Variants in PLEKHG3 observed in about 807,000 individuals in gnomAD.
The protein encoded by PLEKHG3 is pleckstrin homology and RhoGEF domain containing G3.
In PLEKHG3, 62 loss-of-function variants were observed where a neutral mutation model predicts 94.9. The ratio of observed to expected loss-of-function variants is 0.65; its 90% CI spans 0.53 to 0.81. PLEKHG3 has a LOEUF of 0.81. PLEKHG3 is among the 30% of genes least tolerant of loss of function. The probability of loss-of-function intolerance (pLI) is 0.00; values close to 1 mark genes in which losing one functional copy is unlikely to be tolerated. For synonymous variants in PLEKHG3, 614 were observed against 654.0 expected (o/e 0.94, Z 0.93); for missense variants, 1,461 against 1,619.3 (o/e 0.90, Z 1.68).
intron 1 of PLEKHG3, among the ~76,000 whole-genome samples, chr14:64,714,021 CTTTTA>C (rs139776572): frequency 0.049 from 7,406 of 152,194 alleles, 222 homozygotes; most frequent in Non-Finnish European, 0.075. Context: ...ATTTTTATCT[CTTTTA>C]TATTTCCAAT....
Position 64,715,794 on chromosome 14 carries a change from G to A in PLEKHG3, c.-40+11090G>A, listed in dbSNP as rs527634655. Reference sequence around the variant, plus strand: ...GGGCTGTGGCCTGGGTCCCTACCCAGCGGGGACCTGCAGAATTGTGTCGGG... The same window carrying A: ...GGGCTGTGGCCTGGGTCCCTACCCAACGGGGACCTGCAGAATTGTGTCGGG... On this transcript the variant is annotated intron_variant, in intron 1 of 16. Transcript: ENST00000247226. The surrounding 1 kb of genome is among the most constrained non-coding windows in gnomAD (Gnocchi z 4.4). The A allele has an allele frequency of 7.6e-5, 26 of 340,278 alleles. No individual in the cohort carries two copies. Among genetic ancestry groups the A allele is most frequent in the African/African-American group, 5.7e-4 (26 of 45,564 alleles). The allele number at this position is 340,278 out of a possible 1,614,324, so 21.1% of individuals were successfully genotyped here.
In PLEKHG3 at chr14:64,741,866, G is replaced by T. The variant is rs766979323; in HGVS notation, c.2349G>T (p.Ser783=). 1.9e-6 allele frequency: 3 copies of T among 1,613,070 alleles called. No individual in the cohort carries two copies. Among genetic ancestry groups the T allele is most frequent in the East Asian group, 2.2e-5 (1 of 44,868 alleles). Reference sequence around the variant, plus strand: ...GACAGGTGGGCTCCCGGCCGACTTCGTGGGCCCTGTTTGAGCTCCCAGGAC... The same window carrying T: ...GACAGGTGGGCTCCCGGCCGACTTCTTGGGCCCTGTTTGAGCTCCCAGGAC... ...SKRQVGSRPT[S]WALFELPGPS... Residue 783 remains serine, a synonymous_variant, in exon 16 of 17, where the codon TCG becomes TCT. Coordinates refer to ENST00000247226, the MANE Select transcript of PLEKHG3 (RefSeq NM_001308147.2).
chr14:64,737,747 A>C, intron 14 of PLEKHG3: 1 of 431,586 alleles, frequency 2.3e-6, no homozygotes, highest in South Asian at 2.5e-5. Flanking sequence ...TGGCAACCTG[A>C]GTTGGGCATC....
At position 64,732,941 on chromosome 14, in the gene PLEKHG3, C is replaced by G; in HGVS notation, c.1345+40C>G. ...GTGGAGGCAGGAGGCCTCTCCCTCA[C>G]ACCCTTGCCCAGACTGGGGACCGTC... On this transcript the variant is annotated intron_variant, in intron 12 of 16. Coordinates refer to ENST00000247226, the MANE Select transcript of PLEKHG3 (RefSeq NM_001308147.2). The surrounding 1 kb of genome is among the most constrained non-coding windows in gnomAD (Gnocchi z 4.9). 1 of 1,275,054 alleles carries G rather than the reference C, an allele frequency of 7.8e-7. No homozygotes were observed. The highest frequency in any genetic ancestry group is 1.1e-6 in the Non-Finnish European group (1 of 889,420). The allele number at this position is 1,275,054 out of a possible 1,614,324, so 79.0% of individuals were successfully genotyped here.
Position 64,743,160 on chromosome 14 carries a change from C to T in PLEKHG3, c.3117C>T (p.Leu1039=), listed in dbSNP as rs1333158337. The T allele has an allele frequency of 1.2e-6, 2 of 1,611,154 alleles. No individual in the cohort carries two copies. Among genetic ancestry groups the T allele is most frequent in the Non-Finnish European group, 1.7e-6 (2 of 1,179,854 alleles). The part of the protein sequence containing the change: ...PGGRPSARSP[L]SPTETFSWPD... ...GCCGGCCCTCCGCCCGGAGCCCCCTCAGCCCCACAGAGACCTTCAGCTGGC... is the reference window on the plus strand; with the variant it reads ...GCCGGCCCTCCGCCCGGAGCCCCCTTAGCCCCACAGAGACCTTCAGCTGGC... Residue 1039 remains leucine, a synonymous_variant, in exon 17 of 17, where the codon CTC becomes CTT. Transcript: ENST00000247226. This position sits in a 1 kb window ranked among gnomAD's most constrained non-coding sequence, Gnocchi z 7.2.
chr14:64,731,587 C>A lies in PLEKHG3; in HGVS notation c.1032+44C>A. On this transcript the variant is annotated intron_variant, in intron 8 of 16. Coordinates refer to ENST00000247226, the MANE Select transcript of PLEKHG3 (RefSeq NM_001308147.2). The surrounding 1 kb of genome is among the most constrained non-coding windows in gnomAD (Gnocchi z 6.1). The stretch of plus-strand genomic sequence containing the variant: ...ATCTCCTCTGCCATCTTCTCTCCTT[C>A]CCAAAGGATCTGGGCTCCCCTTCTT... 1 of 1,589,812 alleles carries A rather than the reference C, an allele frequency of 6.3e-7. No individual in the cohort carries two copies. The highest frequency in any genetic ancestry group is 8.6e-7 in the Non-Finnish European group (1 of 1,158,304).
rs950957556 is a variant in PLEKHG3, at chr14:64,732,670, A to G, written c.1247-133A>G. Reference sequence around the variant, plus strand: ...AGTGCCTGAAGCTCCCAGCTGGAAGATGGAGGGAGCTCTGGAGGCTCCTGG... The same window carrying G: ...AGTGCCTGAAGCTCCCAGCTGGAAGGTGGAGGGAGCTCTGGAGGCTCCTGG... On this transcript the variant is annotated intron_variant, in intron 11 of 16. Transcript: ENST00000247226. The surrounding 1 kb of genome is among the most constrained non-coding windows in gnomAD (Gnocchi z 4.9). 4.0e-6 allele frequency: 3 copies of G among 756,132 alleles called. No homozygotes were observed. The highest frequency in any genetic ancestry group is 1.8e-5 in the African/African-American group (1 of 56,950). 46.8% of individuals were successfully genotyped at this position (756,132 alleles called of 1,614,324 possible). A position where few individuals can be genotyped will look rare whatever the true frequency, so the allele number is the denominator to read the frequency against.
At position 64,748,215 on chromosome 14, in the gene PLEKHG3, TTACTGTC is replaced by T. The variant is rs2139410375; in HGVS notation, c.*4514_*4520del. Reference sequence around the variant, plus strand: ...ACCCCGAGAAAACAGATGATCAACTTTACTGTCTGCCCAGCCATTACCCTCCAAAGTC... The same window carrying T: ...ACCCCGAGAAAACAGATGATCAACTTTGCCCAGCCATTACCCTCCAAAGTC... On this transcript the variant is annotated 3_prime_UTR_variant, in exon 17 of 17. Transcript: ENST00000247226. The T allele has an allele frequency of 2.7e-5, 4 of 149,786 alleles. No individual in the cohort carries two copies. The South Asian group carries it at 8.3e-4, about 31-fold the overall frequency. 9.3% of individuals were successfully genotyped at this position (149,786 alleles called of 1,614,324 possible). A position where few individuals can be genotyped will look rare whatever the true frequency, so the allele number is the denominator to read the frequency against.
chr14:64,705,705 G>C (rs2080960821), intron 1 of PLEKHG3, among the ~76,000 whole-genome samples: 1 of 152,238 alleles, frequency 6.6e-6, no homozygotes. Flanking sequence ...TCCGGAGCGG[G>C]GGAGGGCCTC....
At chr14:64,712,097 T>C (rs2081073264) in intron 1 of PLEKHG3, among the ~76,000 whole-genome samples, 1 of 152,250 alleles carries the variant, frequency 6.6e-6, no homozygotes, top group African/African-American at 2.4e-5. Flanking sequence ...CTTTCTCTAT[T>C]GAATTGTCTT....
rs1159681810 is a variant in PLEKHG3, at chr14:64,716,474, C to CA, written c.-39-11118dup. ...CACACACACACACACACAACACACA[C>CA]ACACACAACACACACACACACAACA... On this transcript the variant is annotated intron_variant, in intron 1 of 16. Coordinates refer to ENST00000247226, the MANE Select transcript of PLEKHG3 (RefSeq NM_001308147.2). This position sits in a 1 kb window ranked among gnomAD's most constrained non-coding sequence, Gnocchi z 5.0. Among the ~76,000 whole-genome samples the CA allele has an allele frequency of 2.5e-4, 35 of 137,836 alleles. No individual in the cohort carries two copies. Among genetic ancestry groups the CA allele is most frequent in the Non-Finnish European group, 4.1e-4 (26 of 63,996 alleles). The allele number at this position is 137,836 out of a possible 152,430, so 90.4% of individuals were successfully genotyped here.
In PLEKHG3 at chr14:64,730,198, T is replaced by C; in HGVS notation, c.450-45T>C. 9.3e-7 allele frequency: 1 copy of C among 1,075,266 alleles called. No homozygotes were observed. Among genetic ancestry groups the C allele is most frequent in the South Asian group, 1.3e-5 (1 of 74,854 alleles). The allele number at this position is 1,075,266 out of a possible 1,614,324, so 66.6% of individuals were successfully genotyped here. On this transcript the variant is annotated intron_variant, in intron 3 of 16. Coordinates refer to ENST00000247226, the MANE Select transcript of PLEKHG3 (RefSeq NM_001308147.2). The surrounding 1 kb of genome is among the most constrained non-coding windows in gnomAD (Gnocchi z 5.4). ...GGGGAGGGGGCAGTGAGGGGCATTG[T>C]CCTCTGACTGCAGAGGGTACAGTGG...
At chr14:64,708,535 G>T (rs1465439011) in intron 1 of PLEKHG3, among the ~76,000 whole-genome samples, 3 of 152,130 alleles carry the variant, frequency 2.0e-5, no homozygotes, top group African/African-American at 7.2e-5. Flanking sequence ...TTTGAATAAG[G>T]GTTCGCCAGG....
At position 64,717,256 on chromosome 14, in the gene PLEKHG3, T is replaced by G. The variant is rs2081184563; in HGVS notation, c.-39-10337T>G. ...AAAGAAAGGGGATGTGTTGGAGCTC[T>G]TCTCTTGCTGTATCACCTTCGAAGA... On this transcript the variant is annotated intron_variant, in intron 1 of 16. Coordinates refer to ENST00000247226, the MANE Select transcript of PLEKHG3 (RefSeq NM_001308147.2). This position sits in a 1 kb window ranked among gnomAD's most constrained non-coding sequence, Gnocchi z 4.7. 6.6e-6 allele frequency among the ~76,000 whole-genome samples: 1 copy of G among 152,112 alleles called. No homozygotes were observed. Among genetic ancestry groups the G allele is most frequent in the African/African-American group, 2.4e-5 (1 of 41,424 alleles).
chr14:64,742,389 A>AG lies in PLEKHG3; in HGVS notation c.2875dup (p.Asp959GlyfsTer23). ...GCAGTGGGAAAAGGTGGCCCCTGAGAGGGATGGGAAGAGCCCCACTGTGCC... is the reference window on the plus strand; with the variant it reads ...GCAGTGGGAAAAGGTGGCCCCTGAGAGGGGATGGGAAGAGCCCCACTGTGCC... On this transcript the variant is annotated frameshift_variant, in exon 16 of 17. Transcript: ENST00000247226. LOFTEE classifies it high-confidence loss of function. 6.2e-7 allele frequency: 1 copy of AG among 1,612,800 alleles called. No homozygotes were observed. The highest frequency in any genetic ancestry group is 8.5e-7 in the Non-Finnish European group (1 of 1,180,002).
At position 64,743,098 on chromosome 14, in the gene PLEKHG3, C is replaced by G. The variant is rs761109715; in HGVS notation, c.3055C>G (p.Pro1019Ala). The change falls in exon 17 of 17, where the codon CCG (proline) becomes GCG (alanine). Residue 1019 changes from proline (P) to alanine (A), a missense_variant. Pro to Ala is a conservative substitution (Grantham distance 27, BLOSUM62 -1). Transcript: ENST00000247226. The surrounding 1 kb of genome is among the most constrained non-coding windows in gnomAD (Gnocchi z 7.2). ...EMSPQRFFFN[P>A]SAVSQRTTSP... ...GTCACCACAGCGTTTCTTCTTCAAC[C>G]CGTCTGCTGTCAGCCAGAGGACCAC... 2 of 1,612,906 alleles carry G rather than the reference C, an allele frequency of 1.2e-6. No homozygotes were observed. Among genetic ancestry groups the G allele is most frequent in the African/African-American group, 2.7e-5 (2 of 74,940 alleles).
chr14:64,719,166 A>G (rs2081220565), intron 1 of PLEKHG3, among the ~76,000 whole-genome samples: 1 of 152,204 alleles, frequency 6.6e-6, no homozygotes, highest in Admixed American at 6.5e-5. Flanking sequence ...GAGATCATAG[A>G]AGATGGATAA....
In PLEKHG3 at chr14:64,732,387, A is replaced by G. The variant is rs1243110884; in HGVS notation, c.1213-40A>G. The stretch of plus-strand genomic sequence containing the variant: ...TCCTATGGGCAGGGAAGGCCGGCAC[A>G]TGGTAAGGTAATAACCAGGTGTGTT... On this transcript the variant is annotated intron_variant, in intron 10 of 16. Coordinates refer to ENST00000247226, the MANE Select transcript of PLEKHG3 (RefSeq NM_001308147.2). This position sits in a 1 kb window ranked among gnomAD's most constrained non-coding sequence, Gnocchi z 4.9. 4 of 1,591,842 alleles carry G rather than the reference A, an allele frequency of 2.5e-6. No homozygotes were observed. Among genetic ancestry groups the G allele is most frequent in the Admixed American group, 1.7e-5 (1 of 60,000 alleles).
rs1308913313 is a variant in PLEKHG3, at chr14:64,739,219, G to A, written c.1518+364G>A. 6.6e-6 allele frequency among the ~76,000 whole-genome samples: 1 copy of A among 152,190 alleles called. No individual in the cohort carries two copies. Among genetic ancestry groups the A allele is most frequent in the East Asian group, 1.9e-4 (1 of 5,196 alleles). On this transcript the variant is annotated intron_variant, in intron 15 of 16. Coordinates refer to ENST00000247226, the MANE Select transcript of PLEKHG3 (RefSeq NM_001308147.2). This position sits in a 1 kb window ranked among gnomAD's most constrained non-coding sequence, Gnocchi z 4.1. ...GCCAGACATTGAAATCACACCTGTGGTCACCTGGGCAAAGGGTAGAGAACT... is the reference window on the plus strand; with the variant it reads ...GCCAGACATTGAAATCACACCTGTGATCACCTGGGCAAAGGGTAGAGAACT...
Sources: gnomAD v4.1 joint callset for allele counts (sites outside exome capture counted in the v4.1 genomes callset) on GRCh38, gnomAD v4.1.1 for gene constraint, Gnocchi (gnomAD v3.1) non-coding constraint, MANE v1.5 for transcripts, NCBI Gene and HGNC (gene_info 2026-07-23, HGNC 2026-07-21) for gene names.